Variants in TRRAP observed in about 807,000 individuals in gnomAD.
The protein encoded by TRRAP is transformation/transcription domain associated protein, also known as transformation/transcription domain-associated protein.
In TRRAP, 41 loss-of-function variants were observed where a neutral mutation model predicts 438.8. The observed-to-expected ratio is 0.09, with a 90% CI of 0.07 to 0.12. The LOEUF is 0.12. TRRAP is among the 10% of genes least tolerant of loss of function. The pLI is 1.00. For missense variants in TRRAP, 3,122 were observed against 5,055.1 expected, an observed-to-expected ratio of 0.62 and a Z score of 11.60; for synonymous variants, 1,994 against 1,962.9, an observed-to-expected ratio of 1.02 and a Z score of -0.42.
At chr7:98,892,595 T>C in intron 5 of TRRAP, 67 bp downstream of exon 5, 1 of 1,339,050 alleles carries the variant, frequency 7.5e-7, no homozygotes, top group South Asian at 1.3e-5. Flanking sequence ...TTTCTTATGG[T>C]AAATTTCAGC....
chr7:98,962,176 T>G lies in TRRAP; in HGVS notation c.6704-126T>G, dbSNP rs1341036790. On this transcript the variant is annotated intron_variant, in intron 46 of 72. Coordinates refer to ENST00000456197, the MANE Select transcript of TRRAP (RefSeq NM_001375524.1). ...CCCAGAGGTGAGGCCCACACTGTCC[T>G]GCAGGGAGAGAAGTGCCCGTGCCAA... 2.1e-6 allele frequency: 3 copies of G among 1,438,468 alleles called. No individual in the cohort carries two copies. In the East Asian group the frequency reaches 6.8e-5, roughly 33 times the overall value. The allele number at this position is 1,438,468 out of a possible 1,614,324, so 89.1% of individuals were successfully genotyped here.
At chr7:98,936,237 A>G (rs552451734) in intron 28 of TRRAP, among the ~76,000 whole-genome samples, 10 of 152,328 alleles carry the variant, frequency 6.6e-5, no homozygotes, top group African/African-American at 2.4e-4. Context: ...GTTGATTTTT[A>G]TGCTCTTAAT....
intron 56 of TRRAP, among the ~76,000 whole-genome samples, chr7:98,977,300 T>C (rs1240972627): frequency 2.0e-5 from 3 of 152,174 alleles, no homozygotes; most frequent in Admixed American, 6.5e-5. Flanking sequence ...TAGCTGGGAT[T>C]ACAGGCGCCC....
Position 98,976,117 on chromosome 7 carries a change from G to A in TRRAP, c.7840-32G>A. 2 of 1,611,394 alleles carry A rather than the reference G, an allele frequency of 1.2e-6. No individual in the cohort carries two copies. Among genetic ancestry groups the A allele is most frequent in the Non-Finnish European group, 1.7e-6 (2 of 1,178,400 alleles). ...TTGTGCGAGGCACCCCCAGCCCGTG[G>A]CCATCTCAGCCTGTTGTCTTTCTGT... is the stretch of plus-strand genomic sequence containing the variant. On this transcript the variant is annotated intron_variant, in intron 53 of 72. Transcript: ENST00000456197. This position sits in a 1 kb window ranked among gnomAD's most constrained non-coding sequence, Gnocchi z 4.6.
At chr7:98,900,240 A>G (rs782060578) in intron 10 of TRRAP, among the ~76,000 whole-genome samples, 3 of 151,734 alleles carry the variant, frequency 2.0e-5, no homozygotes, top group Non-Finnish European at 4.4e-5. Flanking sequence ...CCTGACTTGG[A>G]GCCCGTCTGG....
In TRRAP at chr7:98,976,767, G is replaced by A. The variant is rs749484786; in HGVS notation, c.8244G>A (p.Gln2748=). Residue 2748 remains glutamine (Q), a synonymous_variant, in exon 55 of 73, where the codon CAG becomes CAA. Transcript: ENST00000456197. This position sits in a 1 kb window ranked among gnomAD's most constrained non-coding sequence, Gnocchi z 4.6. ...AGCAGGAGAGCATCACCCCGCCGCA[G>A]CAGGTGAGGGTGCGCCTCAGTTTGT... ...FYEQESITPP[Q]QEILDSLAEL... 22 of 1,612,424 alleles carry A rather than the reference G, an allele frequency of 1.4e-5. No homozygotes were observed. Among genetic ancestry groups the A allele is most frequent in the Non-Finnish European group, 1.8e-5 (21 of 1,179,028 alleles).
intron 28 of TRRAP, 100 bp from the exon 29 acceptor site, chr7:98,937,056 C>A: frequency 1.4e-6 from 2 of 1,390,306 alleles, no homozygotes; most frequent in African/African-American, 1.5e-5. Context: ...AGCAAGACAC[C>A]TTCTCTACCA....
chr7:98,976,423 A>T lies in TRRAP; in HGVS notation c.7960-60A>T, dbSNP rs1323365429. 5 of 1,579,880 alleles carry T rather than the reference A, an allele frequency of 3.2e-6. No individual in the cohort carries two copies. Among genetic ancestry groups the T allele is most frequent in the Middle Eastern group, 3.4e-4 (2 of 5,808 alleles). ...AGGAAAGGTATTCTTGCATCGAGAG[A>T]GACAGCAAGACTTGCCGATTTTTGA... On this transcript the variant is annotated intron_variant, in intron 54 of 72. Transcript: ENST00000456197. The surrounding 1 kb of genome is among the most constrained non-coding windows in gnomAD (Gnocchi z 4.6).
chr7:98,897,667 T>G, intron 7 of TRRAP, 74 bp from the exon 8 acceptor site: 2 of 1,441,848 alleles, frequency 1.4e-6, no homozygotes, highest in Non-Finnish European at 1.8e-6. Context: ...TTTTGTTTTG[T>G]TTTGTTTTGT....
chr7:98,943,461 T>TAG (rs1790894562), intron 31 of TRRAP, among the ~76,000 whole-genome samples: 1 of 152,202 alleles, frequency 6.6e-6, no homozygotes, highest in East Asian at 1.9e-4. Flanking sequence ...AACTGGTTTT[T>TAG]GGGACTGAAA....
rs1395108991 is a variant in TRRAP, at chr7:99,011,824, G to A, written c.11338-247G>A. On this transcript the variant is annotated intron_variant, in intron 72 of 72. Coordinates refer to ENST00000456197, the MANE Select transcript of TRRAP (RefSeq NM_001375524.1). This position sits in a 1 kb window ranked among gnomAD's most constrained non-coding sequence, Gnocchi z 7.1. ...CCTCAGTCGCAGCATGGCTGCCTTT[G>A]TCATCTAGGTCCGCGCTGCCCAACA... 2.6e-5 allele frequency among the ~76,000 whole-genome samples: 4 copies of A among 152,252 alleles called. No homozygotes were observed. The highest frequency in any genetic ancestry group is 9.6e-5 in the African/African-American group (4 of 41,476).
intron 4 of TRRAP, among the ~76,000 whole-genome samples, chr7:98,891,167 C>T (rs1486127887): frequency 1.4e-5 from 2 of 147,116 alleles, no homozygotes; most frequent in African/African-American, 2.5e-5. Context: ...TCATACCTCC[C>T]TACCTTGATC....
In TRRAP at chr7:98,976,677, G is replaced by A; in HGVS notation, c.8154G>A (p.Glu2718=). The change falls in exon 55 of 73, where the codon GAG becomes GAA. Residue 2718 remains glutamate, a synonymous_variant. Transcript: ENST00000456197. The surrounding 1 kb of genome is among the most constrained non-coding windows in gnomAD (Gnocchi z 4.6). ...GGTTCCGGTCCACGCTGATGTTGGAGCACCAGGCTTTTGAAAAGGGTCTGA... is the reference window on the plus strand; with the variant it reads ...GGTTCCGGTCCACGCTGATGTTGGAACACCAGGCTTTTGAAAAGGGTCTGA... ...NLWFRSTLML[E]HQAFEKGLSL... 1 of 1,614,176 alleles carries A rather than the reference G, an allele frequency of 6.2e-7. No homozygotes were observed. Among genetic ancestry groups the A allele is most frequent in the Non-Finnish European group, 8.5e-7 (1 of 1,180,046 alleles).
chr7:98,981,606 TAAACGCATGAC>T, intron 58 of TRRAP, among the ~76,000 whole-genome samples, 152 bp from the exon 59 acceptor site: 1 of 152,232 alleles, frequency 6.6e-6, no homozygotes, highest in South Asian at 2.1e-4. Flanking sequence ...AAAGACTGTG[TAAACGCATGAC>T]TTCTCTAAAG....
At chr7:98,938,166 TC>T (rs1790637395) in intron 30 of TRRAP, among the ~76,000 whole-genome samples, 2 of 151,946 alleles carry the variant, frequency 1.3e-5, no homozygotes, top group South Asian at 4.1e-4. Flanking sequence ...CGAGTGAAAC[TC>T]CATCTCAAAA....
chr7:98,888,267 C>G (rs1023770302), intron 3 of TRRAP, among the ~76,000 whole-genome samples: 2 of 147,728 alleles, frequency 1.4e-5, no homozygotes, highest in Admixed American at 1.4e-4. Context: ...CCAGATGTGG[C>G]GGCTCATGCC....
At position 99,005,879 on chromosome 7, in the gene TRRAP, C is replaced by T. The variant is rs1057188862; in HGVS notation, c.10753+531C>T. Among the ~76,000 whole-genome samples, 12 of 152,028 alleles carry T rather than the reference C, an allele frequency of 7.9e-5. No homozygotes were observed. Among genetic ancestry groups the T allele is most frequent in the South Asian group, 2.1e-4 (1 of 4,820 alleles). ...GTGCTGCCGGTTTTGCTTCTCCTCC[C>T]GGGAACCCAGGCTGCTGGGAGGAGA... On this transcript the variant is annotated intron_variant, in intron 69 of 72. Coordinates refer to ENST00000456197, the MANE Select transcript of TRRAP (RefSeq NM_001375524.1). The surrounding 1 kb of genome is among the most constrained non-coding windows in gnomAD (Gnocchi z 5.1).
chr7:98,980,779 C>T (rs1299753683), intron 58 of TRRAP, among the ~76,000 whole-genome samples: 1 of 152,244 alleles, frequency 6.6e-6, no homozygotes, highest in Non-Finnish European at 1.5e-5. Flanking sequence ...TGTGGCCGGG[C>T]GTGGTGGCTC....
chr7:99,008,613 G>A (rs928177933), intron 70 of TRRAP, 52 bp downstream of exon 70: 5 of 1,591,826 alleles, frequency 3.1e-6, no homozygotes, highest in Non-Finnish European at 4.3e-6. Flanking sequence ...GCCCTCCTGT[G>A]TGGGGCAGTG....
Sources: allele counts gnomAD v4.1 joint callset (sites outside exome capture counted in the v4.1 genomes callset), GRCh38; gene constraint gnomAD v4.1.1; non-coding constraint Gnocchi (gnomAD v3.1); transcripts MANE v1.5; gene names NCBI Gene and HGNC (gene_info 2026-07-23, HGNC 2026-07-21).